The following DLGAP2 variants were observed in gnomAD, a reference collection of about 807,000 sequenced individuals.
DLGAP2 encodes DLG associated protein 2.
A neutral mutation model predicts 100.3 loss-of-function variants in DLGAP2; 26 were observed. That is an observed-to-expected ratio of 0.26 (90% CI 0.19 to 0.36). The LOEUF (loss-of-function observed/expected upper bound fraction) is 0.36, where lower values mean the gene tolerates loss of function less well. Among genes scored for constraint, DLGAP2 ranks in the 10% least tolerant of loss-of-function variants. DLGAP2 has a pLI of 1.00. For synonymous variants in DLGAP2, 886 were observed against 630.1 expected (o/e 1.41, Z -6.08); for missense variants, 1,858 against 1,453.2 (o/e 1.28, Z -4.53).
chr8:781,697 C>T (rs994225264), intron 1 of DLGAP2, among the ~76,000 whole-genome samples: 8 of 152,098 alleles, frequency 5.3e-5, no homozygotes, highest in Non-Finnish European at 8.8e-5. Context: ...TGTTAAAGAA[C>T]GAACTTACTT....
intron 2 of DLGAP2, among the ~76,000 whole-genome samples, chr8:1,130,133 C>T (rs578119680): frequency 1.3e-5 from 1 of 79,776 alleles, no homozygotes; most frequent in East Asian, 3.3e-4. Flanking sequence ...ACACTTCACG[C>T]GAGTTATATG....
At chr8:1,256,270 T>A (rs373363677) in intron 2 of DLGAP2, among the ~76,000 whole-genome samples, 1,482 of 109,600 alleles carry the variant, frequency 0.014, no homozygotes, top group African/African-American at 0.059. Context: ...CCTGCCTGGG[T>A]GCTGTGTGTG....
chr8:1,581,065 C>G (rs944131257), intron 6 of DLGAP2, among the ~76,000 whole-genome samples: 1 of 147,054 alleles, frequency 6.8e-6, no homozygotes. Context: ...CAGACAAAAC[C>G]CCACACACAT....
intron 2 of DLGAP2, among the ~76,000 whole-genome samples, chr8:1,126,046 C>T (rs1421981123): frequency 1.3e-5 from 2 of 152,244 alleles, no homozygotes; most frequent in Admixed American, 6.5e-5. Flanking sequence ...TATCCCCTGC[C>T]ATGGTCTTCT....
rs1411014625 is a variant in DLGAP2 at position 1,702,690 on chromosome 8, GCTTT to G, written c.*1287_*1290del. The G allele has an allele frequency of 1.3e-5, 2 of 152,150 alleles. No individual in the cohort carries two copies. Among genetic ancestry groups the G allele is most frequent in the African/African-American group, 4.8e-5 (2 of 41,408 alleles). The allele number at this position is 152,150 out of a possible 1,614,324, so 9.4% of individuals were successfully genotyped here. A position where few individuals can be genotyped will look rare whatever the true frequency, so the allele number is the denominator to read the frequency against. ...AAATAGGAACGACTCTAATTAATAG[GCTTT>G]CTGTGTATATAATTAAATTTAGCTG... On this transcript the variant is annotated 3_prime_UTR_variant, in exon 15 of 15. Coordinates refer to ENST00000637795, the MANE Select transcript of DLGAP2 (RefSeq NM_001346810.2).
chr8:872,325 CTTCTTTTCTT>C (rs1192715845), intron 1 of DLGAP2, among the ~76,000 whole-genome samples: 1 of 139,602 alleles, frequency 7.2e-6, no homozygotes, highest in Non-Finnish European at 1.5e-5. Context: ...TTTTCTCTCA[CTTCTTTTCTT>C]TTTTTTTTTT....
At chr8:764,776 G>T (rs772693934) in intron 1 of DLGAP2, among the ~76,000 whole-genome samples, 1 of 152,092 alleles carries the variant, frequency 6.6e-6, no homozygotes, top group African/African-American at 2.4e-5. Flanking sequence ...TAACTTGCAG[G>T]TTCTCTCATA....
intron 3 of DLGAP2, among the ~76,000 whole-genome samples, chr8:1,295,552 C>A (rs1239576550): frequency 1.3e-5 from 2 of 152,204 alleles, no homozygotes; most frequent in African/African-American, 4.8e-5. Flanking sequence ...GTGGAAGGGG[C>A]TCTGGTCAGC....
intron 3 of DLGAP2, among the ~76,000 whole-genome samples, chr8:1,430,841 G>T (rs904416381): frequency 6.6e-6 from 1 of 152,174 alleles, no homozygotes; most frequent in African/African-American, 2.4e-5. Context: ...ATTAAATCAG[G>T]AATGGCACGG....
intron 3 of DLGAP2, among the ~76,000 whole-genome samples, chr8:1,311,405 G>A (rs1157868326): frequency 1.3e-5 from 2 of 152,172 alleles, no homozygotes; most frequent in Non-Finnish European, 2.9e-5. Flanking sequence ...AGAAGTGGAG[G>A]AAACAATTCC....
At chr8:1,577,346 A>T (rs1208669152) in intron 6 of DLGAP2, among the ~76,000 whole-genome samples, 1 of 152,180 alleles carries the variant, frequency 6.6e-6, no homozygotes, top group Non-Finnish European at 1.5e-5. Flanking sequence ...AGGTGGGCAG[A>T]TCAACTGAGG....
intron 3 of DLGAP2, among the ~76,000 whole-genome samples, chr8:1,422,163 C>T (rs577224163): frequency 8.5e-5 from 13 of 152,128 alleles, no homozygotes; most frequent in African/African-American, 2.2e-4. Flanking sequence ...GGCTGAGTCG[C>T]GAGGATGTTT....
At chr8:1,255,965 C>G (rs546652122) in intron 2 of DLGAP2, among the ~76,000 whole-genome samples, 16 of 126,790 alleles carry the variant, frequency 1.3e-4, no homozygotes, top group African/African-American at 4.2e-4. Flanking sequence ...TGTGTGCCCT[C>G]TCATCCTGCG....
chr8:926,944 C>T (rs1250194940), intron 2 of DLGAP2: 5 of 848,570 alleles, frequency 5.9e-6, no homozygotes, highest in East Asian at 1.2e-4. Flanking sequence ...AATGCCTCTG[C>T]GCTGTGGGGG....
chr8:1,176,127 G>T (rs568573720), intron 2 of DLGAP2, among the ~76,000 whole-genome samples: 70 of 152,280 alleles, frequency 4.6e-4, no homozygotes, highest in African/African-American at 1.7e-3. Flanking sequence ...CCACATGGCT[G>T]GAGAGGCCTC....
intron 5 of DLGAP2, among the ~76,000 whole-genome samples, chr8:1,558,567 CACACACAT>C (rs1477144458): frequency 6.6e-6 from 1 of 151,974 alleles, no homozygotes; most frequent in Non-Finnish European, 1.5e-5. Flanking sequence ...ATTACACATA[CACACACAT>C]ACACACATAG....
rs193156631 is a variant in DLGAP2 at position 926,442 on chromosome 8, C to T, written c.73+18476C>T. Among the ~76,000 whole-genome samples the T allele has an allele frequency of 2.4e-4, 36 of 152,332 alleles. No individual in the cohort carries two copies. In the East Asian group the frequency reaches 6.6e-3, roughly 28 times the overall value. On this transcript the variant is annotated intron_variant, in intron 2 of 14. Transcript: ENST00000637795. The stretch of plus-strand genomic sequence containing the variant: ...CAGGTCGGGGGTCTGTGTGTTTCCA[C>T]TGCTCCATCCACGATGGTAATTTCT...
intron 5 of DLGAP2, among the ~76,000 whole-genome samples, chr8:1,552,527 G>T (rs1450606586): frequency 6.6e-6 from 1 of 152,214 alleles, no homozygotes; most frequent in Non-Finnish European, 1.5e-5. Flanking sequence ...CATTTTCAAA[G>T]ATGCCTGTGC....
At chr8:1,032,223 G>A (rs771668791) in intron 2 of DLGAP2, among the ~76,000 whole-genome samples, 1 of 152,242 alleles carries the variant, frequency 6.6e-6, no homozygotes, top group Non-Finnish European at 1.5e-5. Flanking sequence ...AGGAGGGGCA[G>A]CAAAGGTGTG....
Sources: gnomAD v4.1 joint callset for allele counts (sites outside exome capture counted in the v4.1 genomes callset) on GRCh38, gnomAD v4.1.1 for gene constraint, MANE v1.5 for transcripts, NCBI Gene and HGNC (gene_info 2026-07-23, HGNC 2026-07-21) for gene names.